PRKAG2: variants seen among roughly 807,000 people sequenced by gnomAD.
PRKAG2 encodes the protein protein kinase AMP-activated non-catalytic subunit gamma 2.
A neutral mutation model predicts 69.6 loss-of-function variants in PRKAG2; 26 were observed. The ratio of observed to expected loss-of-function variants is 0.37; its 90% confidence interval spans 0.27 to 0.52. The LOEUF is 0.52. Ranked by LOEUF, PRKAG2 falls within the 20% of genes least tolerant of loss-of-function variation. The pLI, the probability that PRKAG2 is intolerant of heterozygous loss-of-function variation, is 0.90. For synonymous variants in PRKAG2, 293 were observed against 285.0 expected (o/e 1.03, Z -0.28); for missense variants, 557 against 740.0 (o/e 0.75, Z 2.87).
chr7:151,633,778 T>C (rs1028284422), intron 4 of PRKAG2, among the ~76,000 whole-genome samples: 2 of 152,156 alleles, frequency 1.3e-5, no homozygotes, highest in African/African-American at 2.4e-5. Context: ...AGTCCTGAGC[T>C]GGAAGCCCCA....
In PRKAG2 at chr7:151,781,262, C is replaced by T. The variant is rs142808871; in HGVS notation, c.356G>A (p.Arg119Gln). ...SYQESPPRSP[R>Q]RMSFSGIFRS... ...GAAGATCCCACTGAAGCTCATGCGT[C>T]GAGGGGAGCGTGGCGGGGACTCCTG... is the stretch of plus-strand genomic sequence containing the variant. Residue 119 changes from arginine (R) to glutamine (Q), a missense_variant, in exon 3 of 16, where the codon CGA (arginine) becomes CAA (glutamine). Physicochemically the swap from Arg to Gln is conservative, Grantham distance 43 (BLOSUM62 1). Around this residue, in one of 2 missense-constraint regions of PRKAG2, gnomAD observed 352 missense variants for 356.7 expected, o/e 0.99. Coordinates refer to ENST00000287878, the MANE Select transcript of PRKAG2 (RefSeq NM_016203.4). The surrounding 1 kb of genome is among the most constrained non-coding windows in gnomAD (Gnocchi z 6.1). 2.2e-5 allele frequency: 35 copies of T among 1,614,004 alleles called. No homozygotes were observed. Among genetic ancestry groups the T allele is most frequent in the Middle Eastern group, 3.3e-4 (2 of 6,062 alleles).
chr7:151,632,121 G>T lies in PRKAG2; in HGVS notation c.702C>A (p.Ala234=). Residue 234 remains alanine, a synonymous_variant, in exon 5 of 16, where the codon GCC becomes GCA. Coordinates refer to ENST00000287878, the MANE Select transcript of PRKAG2 (RefSeq NM_016203.4). The surrounding 1 kb of genome is among the most constrained non-coding windows in gnomAD (Gnocchi z 4.2). ...GCATGCCGGCTTCCGCGGGTCCCAG[G>T]GCCGCCGCCAGCGCCGCCTGAGGGG... ...APSKAAALAA[A]LGPAEAGMLE... is the part of the protein sequence containing the mutation. 1 of 1,409,216 alleles carries T rather than the reference G, an allele frequency of 7.1e-7. No individual in the cohort carries two copies. Among genetic ancestry groups the T allele is most frequent in the Non-Finnish European group, 9.4e-7 (1 of 1,067,916 alleles). The allele number at this position is 1,409,216 out of a possible 1,614,324, so 87.3% of individuals were successfully genotyped here.
Position 151,806,887 on chromosome 7 carries a change from A to G in PRKAG2, c.115-20346T>C, listed in dbSNP as rs1340313808. ...AGGCTGAGCCACGAGAATCGCTTGA[A>G]CCTGGGAGATGGAGGTTGAAGTGAG... On this transcript the variant is annotated intron_variant, in intron 1 of 15. Transcript: ENST00000287878. The G allele has an allele frequency of 9.3e-6, 4 of 430,208 alleles. No individual in the cohort carries two copies. In the Admixed American group the frequency reaches 1.1e-4, roughly 12 times the overall value. The allele number at this position is 430,208 out of a possible 1,614,324, so 26.6% of individuals were successfully genotyped here.
chr7:151,559,731 T>A, intron 15 of PRKAG2: 1 of 985,402 alleles, frequency 1.0e-6, no homozygotes, highest in South Asian at 4.7e-5. Flanking sequence ...CCGTTTAATA[T>A]TGGATTCTGA....
At position 151,844,682 on chromosome 7, in the gene PRKAG2, C is replaced by A. The variant is rs1109276; in HGVS notation, c.114+31825G>T. Reference sequence around the variant, plus strand: ...TCATGGTCCAAAAGTTTGAAATACACTAACTTTCTGTGGCTCACTGTCTCT... The same window carrying A: ...TCATGGTCCAAAAGTTTGAAATACAATAACTTTCTGTGGCTCACTGTCTCT... On this transcript the variant is annotated intron_variant, in intron 1 of 15. Transcript: ENST00000287878. Among the ~76,000 whole-genome samples the A allele has an allele frequency of 1.0e-3, 154 of 152,322 alleles. 2 individuals carry two copies. The East Asian group carries it at 0.024, about 24-fold the overall frequency.
At chr7:151,582,691 G>A (rs1810773348) in intron 6 of PRKAG2, among the ~76,000 whole-genome samples, 1 of 152,198 alleles carries the variant, frequency 6.6e-6, no homozygotes, top group South Asian at 2.1e-4. Context: ...TATCTCTACA[G>A]AACAGGGACA....
Position 151,590,259 on chromosome 7 carries a change from A to G in PRKAG2, c.864+5086T>C, listed in dbSNP as rs1051220642. Among the ~76,000 whole-genome samples the G allele has an allele frequency of 5.3e-5, 8 of 152,258 alleles. 1 individual carries two copies. Among genetic ancestry groups the G allele is most frequent in the Non-Finnish European group, 1.0e-4 (7 of 68,046 alleles). On this transcript the variant is annotated intron_variant, in intron 6 of 15. Transcript: ENST00000287878. The stretch of plus-strand genomic sequence containing the variant: ...AGAAAACCTCAAGCCCAGGTCTGGG[A>G]CCTGCACCCACAGACAGAGAACCCA...
intron 1 of PRKAG2, among the ~76,000 whole-genome samples, chr7:151,851,244 G>C (rs73728420): frequency 2.6e-5 from 4 of 152,084 alleles, no homozygotes; most frequent in African/African-American, 9.6e-5. Flanking sequence ...ACAACTTTCC[G>C]GAACTGGAGT....
intron 4 of PRKAG2, among the ~76,000 whole-genome samples, chr7:151,671,443 A>T: frequency 6.6e-6 from 1 of 152,210 alleles, no homozygotes. Flanking sequence ...CCAAGCACAT[A>T]AGGAACTTAG....
At chr7:151,625,029 C>A (rs1224771291) in intron 5 of PRKAG2, among the ~76,000 whole-genome samples, 1 of 152,136 alleles carries the variant, frequency 6.6e-6, no homozygotes, top group Non-Finnish European at 1.5e-5. Context: ...GGCCTCAAGA[C>A]CTGGCAAATA....
chr7:151,632,626 C>T lies in PRKAG2; in HGVS notation c.685-488G>A, dbSNP rs899673243. 5 of 984,372 alleles carry T rather than the reference C, an allele frequency of 5.1e-6. No individual in the cohort carries two copies. In the African/African-American group the frequency reaches 7.0e-5, roughly 14 times the overall value. 61.0% of individuals were successfully genotyped at this position (984,372 alleles called of 1,614,324 possible). ...GCTCCACCTGCGCAGGTGTGGGCTCCGCGGCGCGGGGAGGGGGAGAGGGGC... is the reference window on the plus strand; with the variant it reads ...GCTCCACCTGCGCAGGTGTGGGCTCTGCGGCGCGGGGAGGGGGAGAGGGGC... On this transcript the variant is annotated intron_variant, in intron 4 of 15. Coordinates refer to ENST00000287878, the MANE Select transcript of PRKAG2 (RefSeq NM_016203.4). The surrounding 1 kb of genome is among the most constrained non-coding windows in gnomAD (Gnocchi z 4.2).
At chr7:151,810,327 A>G (rs1352604167) in intron 1 of PRKAG2, 1 of 152,258 alleles carries the variant, frequency 6.6e-6, no homozygotes, top group Non-Finnish European at 1.5e-5. Context: ...GAGAAAAGAA[A>G]AGCCCACAAG....
At position 151,777,599 on chromosome 7, in the gene PRKAG2, C is replaced by G. The variant is rs1039240652; in HGVS notation, c.466+3553G>C. Among the ~76,000 whole-genome samples the G allele has an allele frequency of 6.6e-6, 1 of 152,184 alleles. No homozygotes were observed. Among genetic ancestry groups the G allele is most frequent in the African/African-American group, 2.4e-5 (1 of 41,452 alleles). On this transcript the variant is annotated intron_variant, in intron 3 of 15. Coordinates refer to ENST00000287878, the MANE Select transcript of PRKAG2 (RefSeq NM_016203.4). The surrounding 1 kb of genome is among the most constrained non-coding windows in gnomAD (Gnocchi z 4.3). ...CGCCTTCCTCCATGAGTGGAAGCAGCCTGAAGCCCTTGCAAACACCTTGGC... is the reference window on the plus strand; with the variant it reads ...CGCCTTCCTCCATGAGTGGAAGCAGGCTGAAGCCCTTGCAAACACCTTGGC...
chr7:151,799,157 G>A (rs1038796615), intron 1 of PRKAG2, among the ~76,000 whole-genome samples: 4 of 152,174 alleles, frequency 2.6e-5, no homozygotes, highest in Non-Finnish European at 4.4e-5. Context: ...GATGGAAATG[G>A]CCTCAGAAAT....
chr7:151,851,633 A>C (rs1271758507), intron 1 of PRKAG2, among the ~76,000 whole-genome samples: 1 of 152,098 alleles, frequency 6.6e-6, no homozygotes, highest in African/African-American at 2.4e-5. Flanking sequence ...ATCATTGTCA[A>C]ACCATTAACC....
At chr7:151,704,491 G>A (rs1248880821) in intron 3 of PRKAG2, among the ~76,000 whole-genome samples, 2 of 152,200 alleles carry the variant, frequency 1.3e-5, no homozygotes, top group African/African-American at 2.4e-5. Context: ...GTTCCATTAT[G>A]CAAATCTACC....
At chr7:151,829,843 G>A (rs368648869) in intron 1 of PRKAG2, among the ~76,000 whole-genome samples, 179 of 151,952 alleles carry the variant, frequency 1.2e-3, no homozygotes, top group African/African-American at 4.2e-3. Context: ...TTGACGGGGG[G>A]AAGCCAGGCA....
At chr7:151,659,299 C>G (rs1477084815) in intron 4 of PRKAG2, among the ~76,000 whole-genome samples, 1 of 152,130 alleles carries the variant, frequency 6.6e-6, no homozygotes, top group Non-Finnish European at 1.5e-5. Flanking sequence ...CTTTTTGCCT[C>G]CTGCTTCTGT....
At chr7:151,578,239 G>A (rs536052335) in intron 6 of PRKAG2, among the ~76,000 whole-genome samples, 4 of 152,318 alleles carry the variant, frequency 2.6e-5, no homozygotes, top group Admixed American at 2.0e-4. Flanking sequence ...CAGCTACTCA[G>A]GAGGCTGAGG....
Sources: allele counts gnomAD v4.1 joint callset (sites outside exome capture counted in the v4.1 genomes callset), GRCh38; gene constraint gnomAD v4.1.1; regional missense constraint gnomAD v4.1.1; non-coding constraint Gnocchi (gnomAD v3.1); transcripts MANE v1.5; gene names NCBI Gene and HGNC (gene_info 2026-07-23, HGNC 2026-07-21).